The following MTMR8 variants were observed in gnomAD, a reference collection of about 807,000 sequenced individuals.
The protein encoded by MTMR8 is phosphatidylinositol-3,5-bisphosphate 3-phosphatase MTMR8.
Under a neutral mutation model 39.3 loss-of-function variants are expected in MTMR8, and 65 were observed. The observed-to-expected ratio is 1.65, with a 90% CI of 1.35 to 2.03. MTMR8 has a LOEUF of 2.03. MTMR8 is among the 30% of genes most tolerant of loss of function. MTMR8 has a pLI of 0.00. For synonymous variants in MTMR8, 245 were observed against 185.2 expected (o/e 1.32, Z -2.62); for missense variants, 777 against 538.9 (o/e 1.44, Z -4.37).
intron 12 of MTMR8, among the ~76,000 whole-genome samples, chrX:64,272,191 G>A (rs903158199): frequency 9.0e-6 from 1 of 111,347 alleles, no homozygotes; most frequent in Non-Finnish European, 1.9e-5. Context: ...TCTGAACAAA[G>A]AAACAAGCTA....
chrX:64,282,371 G>T (rs1056222404), intron 12 of MTMR8, among the ~76,000 whole-genome samples: 2 of 111,297 alleles, frequency 1.8e-5, no homozygotes, highest in Non-Finnish European at 3.8e-5. Flanking sequence ...GAAGGGGTGG[G>T]GGTAGGGAGA....
In MTMR8 at chrX:64,270,964, C is replaced by T; in HGVS notation, c.1591G>A (p.Val531Met). Reference protein sequence around the residue: ...KKQRAMLETDVHELEKKLKVR... With the variant: ...KKQRAMLETDMHELEKKLKVR... ...CTCCTCACCTTTTCTAGTTCATGCA[C>T]ATCTGTCTCCAGCATTGCTCTCTGT... The change falls in exon 13 of 14, where the codon GTG becomes ATG. Residue 531 changes from valine (V) to methionine (M), a missense_variant. Physicochemically the swap from Val to Met is conservative, Grantham distance 21. Transcript: ENST00000374852. 8.3e-7 allele frequency: 1 copy of T among 1,209,902 alleles called. No homozygotes were observed. Among genetic ancestry groups the T allele is most frequent in the African/African-American group, 1.7e-5 (1 of 57,635 alleles).
At chrX:64,367,156 T>A (rs1299069843) in intron 1 of MTMR8, among the ~76,000 whole-genome samples, 1 of 111,503 alleles carries the variant, frequency 9.0e-6, no homozygotes. Flanking sequence ...CCAGACAGAT[T>A]CATAGCCGAA....
At chrX:64,391,667 G>A (rs958764973) in intron 1 of MTMR8, among the ~76,000 whole-genome samples, 1 of 112,069 alleles carries the variant, frequency 8.9e-6, no homozygotes, top group African/African-American at 3.2e-5. Context: ...GCTAAATTAA[G>A]CATCTACCAT....
intron 3 of MTMR8, 95 bp downstream of exon 3, chrX:64,356,081 C>T (rs1923615043): frequency 1.1e-6 from 1 of 930,201 alleles, no homozygotes; most frequent in Non-Finnish European, 1.5e-6. Flanking sequence ...AGCCCAGATC[C>T]AAACCCTCCT....
At chrX:64,395,228 A>G in intron 1 of MTMR8, 112 bp downstream of exon 1, 2 of 811,883 alleles carry the variant, frequency 2.5e-6, no homozygotes, top group Non-Finnish European at 3.7e-6. Context: ...GACCCCCCAC[A>G]GGAAAGACGC....
chrX:64,386,467 T>C (rs148690481), intron 1 of MTMR8, among the ~76,000 whole-genome samples: 69 of 110,783 alleles, frequency 6.2e-4, no homozygotes, highest in African/African-American at 2.1e-3. Flanking sequence ...ACTCTCAGAA[T>C]TCAGGGGGCA....
At chrX:64,322,834 A>T (rs1276110129) in intron 12 of MTMR8, among the ~76,000 whole-genome samples, 1 of 112,725 alleles carries the variant, frequency 8.9e-6, no homozygotes, top group East Asian at 2.8e-4. Context: ...TGACTGCAGC[A>T]ACCAACCCTA....
intron 12 of MTMR8, among the ~76,000 whole-genome samples, chrX:64,275,003 T>A (rs1347137734): frequency 9.0e-6 from 1 of 111,471 alleles, no homozygotes; most frequent in Non-Finnish European, 1.9e-5. Context: ...TGACCATGGT[T>A]GACAATAATG....
In MTMR8 at chrX:64,348,727, A is replaced by G; in HGVS notation, c.665T>C (p.Leu222Ser). Reference sequence around the variant, plus strand: ...GTTTGTTTGGCTAATGGCCTCCAACAAGAGCTCATCATCTACACAGCGAGT... The same window carrying G: ...GTTTGTTTGGCTAATGGCCTCCAACGAGAGCTCATCATCTACACAGCGAGT... ...FYTRCVDDELLLEAISQTNPG... is the reference protein window; with the variant it reads ...FYTRCVDDELSLEAISQTNPG... The change falls in exon 6 of 14, where the codon TTG becomes TCG. Residue 222 changes from leucine (L) to serine (S), a missense_variant. Physicochemically the swap from Leu to Ser is moderately radical, Grantham distance 145 (BLOSUM62 -2). Coordinates refer to ENST00000374852, the MANE Select transcript of MTMR8 (RefSeq NM_017677.4). 1 of 1,210,826 alleles carries G rather than the reference A, an allele frequency of 8.3e-7. No individual in the cohort carries two copies. The highest frequency in any genetic ancestry group is 1.1e-6 in the Non-Finnish European group (1 of 894,845).
chrX:64,369,625 G>T (rs900719956), intron 1 of MTMR8, among the ~76,000 whole-genome samples: 2 of 110,580 alleles, frequency 1.8e-5, no homozygotes, highest in Non-Finnish European at 3.8e-5. Context: ...GGAGGAGGGG[G>T]CAGGGGAAGC....
At chrX:64,295,033 C>G (rs1156501060) in intron 12 of MTMR8, among the ~76,000 whole-genome samples, 1 of 110,908 alleles carries the variant, frequency 9.0e-6, no homozygotes, top group African/African-American at 3.3e-5. Context: ...ACCTCCCACA[C>G]TGGTAAAGAA....
At chrX:64,331,398 CTG>C in intron 11 of MTMR8, 157 bp downstream of exon 11, 1 of 462,538 alleles carries the variant, frequency 2.2e-6, no homozygotes, top group African/African-American at 2.4e-5. Context: ...TGAGAGATCT[CTG>C]TGCAAACATT....
intron 4 of MTMR8, among the ~76,000 whole-genome samples, chrX:64,351,418 A>T (rs1923484539): frequency 9.0e-6 from 1 of 111,686 alleles, no homozygotes; most frequent in South Asian, 3.8e-4. Context: ...TCACTTAAAC[A>T]CCAATGACTC....
intron 1 of MTMR8, among the ~76,000 whole-genome samples, chrX:64,364,370 C>T (rs1036895491): frequency 1.2e-4 from 13 of 111,694 alleles, no homozygotes; most frequent in African/African-American, 4.2e-4. Flanking sequence ...GCGGGTGCCC[C>T]TCTGGAATGA....
At chrX:64,291,018 A>G (rs779954702) in intron 12 of MTMR8, among the ~76,000 whole-genome samples, 18 of 111,878 alleles carry the variant, frequency 1.6e-4, no homozygotes, top group African/African-American at 5.5e-4. Context: ...TGGCATTTGC[A>G]TATTCAATTT....
intron 2 of MTMR8, among the ~76,000 whole-genome samples, chrX:64,359,153 C>G (rs141422314): frequency 0.02 from 2,175 of 110,827 alleles, 48 homozygotes; most frequent in African/African-American, 0.067. Flanking sequence ...ACTATTCTAC[C>G]TAAAAATAAT....
At position 64,345,182 on chromosome X, in the gene MTMR8, A is replaced by G. The variant is rs752390891; in HGVS notation, c.733-5T>C. 13 of 1,208,689 alleles carry G rather than the reference A, an allele frequency of 1.1e-5. No homozygotes were observed. Among genetic ancestry groups the G allele is most frequent in the Non-Finnish European group, 1.5e-5 (13 of 894,148 alleles). On this transcript the variant is annotated splice_region_variant and splice_polypyrimidine_tract_variant and intron_variant, in intron 6 of 13. Transcript: ENST00000374852. ...TCGGTTGGCCATGGCATTCAACTGC[A>G]ATAGCAGAGGACATAATAGAGCAGA... is the stretch of plus-strand genomic sequence containing the variant.
Position 64,345,054 on chromosome X carries a change from G to A in MTMR8, c.856C>T (p.Leu286Phe), listed in dbSNP as rs372509486. 1.7e-6 allele frequency: 2 copies of A among 1,209,265 alleles called. No individual in the cohort carries two copies. The highest frequency in any genetic ancestry group is 3.5e-5 in the African/African-American group (2 of 57,286). ...IHVMRSSLQK[L>F]LEVCELKTPT... ...GGTGAAATCCCTGTACCTTCCAAGA[G>A]TTTCTGCAGACTGCTCCGCATTACA... Residue 286 changes from leucine to phenylalanine, a missense_variant, in exon 7 of 14, where the codon CTC becomes TTC. Leu to Phe is a conservative substitution (Grantham distance 22, BLOSUM62 0). Transcript: ENST00000374852.
Sources: gnomAD v4.1 joint callset for allele counts (sites outside exome capture counted in the v4.1 genomes callset) on GRCh38, gnomAD v4.1.1 for gene constraint, MANE v1.5 for transcripts, NCBI Gene and HGNC (gene_info 2026-07-23, HGNC 2026-07-21) for gene names.